The following VWF variants were observed in gnomAD, a reference collection of about 807,000 sequenced individuals.
VWF encodes the protein von Willebrand factor.
VWF carries 176 observed loss-of-function variants against 308.6 expected under a neutral mutation model. The observed-to-expected ratio is 0.57, with a 90% confidence interval of 0.50 to 0.65. The LOEUF is 0.65. Among genes scored for constraint, VWF ranks in the 30% least tolerant of loss-of-function variants. The probability of loss-of-function intolerance (pLI) is 0.00; values close to 1 mark genes in which losing one functional copy is unlikely to be tolerated. For synonymous variants in VWF, 1,385 were observed against 1,443.4 expected (o/e 0.96, Z 0.92); for missense variants, 3,146 against 3,648.2 (o/e 0.86, Z 3.55).
At position 6,031,619 on chromosome 12, in the gene VWF, C is replaced by T. The variant is rs759362231; in HGVS notation, c.2686-41G>A. 5 of 1,613,554 alleles carry T rather than the reference C, an allele frequency of 3.1e-6. No homozygotes were observed. In the East Asian group the frequency reaches 8.9e-5, roughly 29 times the overall value. ...TGCCAGGAGAAGACCATTATCCCCA[C>T]TGGCTCTCACCAGACCAGAAGATTG... is the stretch of plus-strand genomic sequence containing the variant. On this transcript the variant is annotated intron_variant, in intron 20 of 51. Coordinates refer to ENST00000261405, the MANE Select transcript of VWF (RefSeq NM_000552.5).
In VWF at chr12:6,046,737, G is replaced by C. The variant is rs752465256; in HGVS notation, c.2267C>G (p.Pro756Arg). The change falls in exon 17 of 52, where the codon CCC becomes CGC. Residue 756 changes from proline (P) to arginine (R), a missense_variant. Around this residue, in one of 3 missense-constraint regions of VWF, gnomAD observed 1,304 missense variants for 1,353.0 expected, o/e 0.96. Transcript: ENST00000261405. The surrounding 1 kb of genome is among the most constrained non-coding windows in gnomAD (Gnocchi z 5.0). The stretch of plus-strand genomic sequence containing the variant: ...ACAGTACTCACTGCGATGAGACAGG[G>C]GACTGCTGAGGACAGCGTCAGGCAG... ...SLLPDAVLSS[P>R]LSHRSKRSLS... 1.9e-6 allele frequency: 3 copies of C among 1,614,112 alleles called. No individual in the cohort carries two copies. In the South Asian group the frequency reaches 3.3e-5, roughly 18 times the overall value.
intron 49 of VWF, 29 bp downstream of exon 49, chr12:5,952,362 G>A: frequency 6.2e-7 from 1 of 1,613,218 alleles, no homozygotes; most frequent in South Asian, 1.1e-5. Context: ...GATTGAGACA[G>A]TAAAGAGGAA....
At chr12:5,966,178 G>C (rs965250377) in intron 47 of VWF, among the ~76,000 whole-genome samples, 15 of 152,060 alleles carry the variant, frequency 9.9e-5, no homozygotes, top group African/African-American at 3.6e-4. Context: ...TTGGACTTCA[G>C]TGGACATCCC....
At chr12:6,072,062 G>A (rs545927808) in intron 9 of VWF, among the ~76,000 whole-genome samples, 1 of 152,302 alleles carries the variant, frequency 6.6e-6, no homozygotes, top group African/African-American at 2.4e-5. Flanking sequence ...ATAGTTTGGA[G>A]GGACAGCTAG....
rs1390398242 is a variant in VWF at position 6,058,443 on chromosome 12, T to TG, written c.1534-400dup. Among the ~76,000 whole-genome samples the TG allele has an allele frequency of 6.6e-6, 1 of 152,146 alleles. No homozygotes were observed. Among genetic ancestry groups the TG allele is most frequent in the Non-Finnish European group, 1.5e-5 (1 of 68,030 alleles). ...CTGCCCTCTGTGCCATCCACACCAG[T>TG]GGGCCTGACCCCCCCACCCAGAGTT... On this transcript the variant is annotated intron_variant, in intron 13 of 51. Coordinates refer to ENST00000261405, the MANE Select transcript of VWF (RefSeq NM_000552.5). The surrounding 1 kb of genome is among the most constrained non-coding windows in gnomAD (Gnocchi z 4.9).
intron 47 of VWF, among the ~76,000 whole-genome samples, chr12:5,964,246 A>ACATACATGCATG (rs1315704709): frequency 7.5e-6 from 1 of 133,170 alleles, no homozygotes; most frequent in African/African-American, 3.3e-5. Context: ...ATACATACAT[A>ACATACATGCATG]CATGCATACA....
chr12:6,100,008 A>G (rs1376785195), intron 5 of VWF, among the ~76,000 whole-genome samples: 1 of 151,660 alleles, frequency 6.6e-6, no homozygotes. Flanking sequence ...CAAAGGGCTA[A>G]TATCCAGAAT....
At chr12:5,978,572 C>A (rs1943557683) in intron 42 of VWF, among the ~76,000 whole-genome samples, 1 of 152,008 alleles carries the variant, frequency 6.6e-6, no homozygotes, top group Non-Finnish European at 1.5e-5. Context: ...AGGTATATTG[C>A]AAGATAAAGC....
At chr12:5,968,069 C>G in intron 46 of VWF, 58 bp downstream of exon 46, 8 of 1,610,448 alleles carry the variant, frequency 5.0e-6, no homozygotes, top group Middle Eastern at 1.7e-4. Flanking sequence ...CTCCCCTTCC[C>G]ACAGTACCCC....
At chr12:5,955,348 C>T (rs1943235728) in intron 47 of VWF, among the ~76,000 whole-genome samples, 1 of 152,064 alleles carries the variant, frequency 6.6e-6, no homozygotes, top group Non-Finnish European at 1.5e-5. Flanking sequence ...CGTATATCTC[C>T]TAATGCTATC....
In VWF at chr12:6,018,872, T is replaced by C; in HGVS notation, c.4546A>G (p.Arg1516Gly). 1 of 1,613,936 alleles carries C rather than the reference T, an allele frequency of 6.2e-7. No individual in the cohort carries two copies. Among genetic ancestry groups the C allele is most frequent in the Non-Finnish European group, 8.5e-7 (1 of 1,179,850 alleles). The change falls in exon 28 of 52, where the codon AGG becomes GGG. Residue 1516 changes from arginine (R) to glycine (G), a missense_variant. Arg to Gly is a moderately radical substitution (Grantham distance 125, BLOSUM62 -2). Around this residue, in one of 3 missense-constraint regions of VWF, gnomAD observed 853 missense variants for 1,177.8 expected, o/e 0.72. Transcript: ENST00000261405. ...SDKIGEADFN[R>G]SKEFMEEVIQ... ...ACCTCCTCCATGAACTCCTTGCTCC[T>C]GTTGAAGTCGGCTTCACCAATTTTG...
chr12:6,075,517 G>T lies in VWF; in HGVS notation c.692C>A (p.Thr231Asn), dbSNP rs1432836165. 1.2e-6 allele frequency: 2 copies of T among 1,614,168 alleles called. No homozygotes were observed. Among genetic ancestry groups the T allele is most frequent in the Admixed American group, 3.3e-5 (2 of 60,026 alleles). The change falls in exon 7 of 52, where the codon ACC (threonine) becomes AAC (asparagine). Residue 231 changes from threonine (T) to asparagine (N), a missense_variant. Coordinates refer to ENST00000261405, the MANE Select transcript of VWF (RefSeq NM_000552.5). The surrounding 1 kb of genome is among the most constrained non-coding windows in gnomAD (Gnocchi z 4.7). ...LWEQCQLLKSTSVFARCHPLV... is the reference protein window; with the variant it reads ...LWEQCQLLKSNSVFARCHPLV... ...AGGGTGGCAGCGGGCAAACACCGAG[G>T]TGCTCTTCAGAAGCTGGCACTGCTC... is the stretch of plus-strand genomic sequence containing the variant.
intron 5 of VWF, among the ~76,000 whole-genome samples, chr12:6,109,240 GACACAC>G (rs755650506): frequency 6.8e-6 from 1 of 147,920 alleles, no homozygotes; most frequent in African/African-American, 2.6e-5. Context: ...GAGACACACA[GACACAC>G]ACACACACGT....
At position 5,981,928 on chromosome 12, in the gene VWF, G is replaced by T; in HGVS notation, c.7145C>A (p.Thr2382Asn). The T allele has an allele frequency of 6.2e-7, 1 of 1,613,466 alleles. No individual in the cohort carries two copies. ...ATCACAGCACTGGGTCTTCCGAAGGGTGGGCAAACGGTGCGGGGGGCAGGA... is the reference window on the plus strand; with the variant it reads ...ATCACAGCACTGGGTCTTCCGAAGGTTGGGCAAACGGTGCGGGGGGCAGGA... ...PPSCPPHRLP[T>N]LRKTQCCDEY... Residue 2382 changes from threonine to asparagine, a missense_variant, in exon 42 of 52, where the codon ACC becomes AAC. This residue lies in a region of VWF where 989 missense variants were observed against 1,117.4 expected (regional missense o/e 0.89). Transcript: ENST00000261405.
intron 7 of VWF, 79 bp from the exon 8 acceptor site, chr12:6,073,820 G>A: frequency 6.3e-7 from 1 of 1,598,168 alleles, no homozygotes. Context: ...CACAGCCTGA[G>A]CCTCTCGTGC....
intron 13 of VWF, among the ~76,000 whole-genome samples, chr12:6,061,933 T>G (rs527560971): frequency 9.8e-4 from 149 of 152,356 alleles, no homozygotes; most frequent in Non-Finnish European, 1.6e-3. Context: ...TAAAGAAATT[T>G]GCAGAAATGT....
At chr12:6,072,233 C>A in intron 9 of VWF, 98 bp downstream of exon 9, 1 of 1,113,842 alleles carries the variant, frequency 9.0e-7, no homozygotes, top group South Asian at 1.3e-5. Context: ...TTGGCACGGT[C>A]CAGGTTCTTT....
Position 5,994,529 on chromosome 12 carries a change from G to A in VWF, c.6142C>T (p.His2048Tyr). ...MEVNVYGAIM[H>Y]EVRFNHLGHI... ...CCAAGGTGATTGAATCTGACCTCAT[G>A]CATGATGGCACCATAAACGTTGACT... Residue 2048 changes from histidine to tyrosine, a missense_variant, in exon 36 of 52, where the codon CAT becomes TAT. Physicochemically the swap from His to Tyr is moderately conservative, Grantham distance 83. This residue lies in a region of VWF where 989 missense variants were observed against 1,117.4 expected (regional missense o/e 0.89). Transcript: ENST00000261405. 6.2e-7 allele frequency: 1 copy of A among 1,614,044 alleles called. No homozygotes were observed. Among genetic ancestry groups the A allele is most frequent in the Non-Finnish European group, 8.5e-7 (1 of 1,179,914 alleles).
At chr12:6,069,705 T>C (rs1350604726) in intron 10 of VWF, among the ~76,000 whole-genome samples, 1 of 152,008 alleles carries the variant, frequency 6.6e-6, no homozygotes, top group African/African-American at 2.4e-5. Flanking sequence ...GCGTAGTGGT[T>C]TTGTTGGCAA....
Sources: allele counts gnomAD v4.1 joint callset (sites outside exome capture counted in the v4.1 genomes callset), GRCh38; gene constraint gnomAD v4.1.1; regional missense constraint gnomAD v4.1.1; non-coding constraint Gnocchi (gnomAD v3.1); transcripts MANE v1.5; gene names NCBI Gene and HGNC (gene_info 2026-07-23, HGNC 2026-07-21).